Variants in OPCML observed in about 807,000 individuals in gnomAD.
OPCML encodes opioid binding protein/cell adhesion molecule like.
OPCML carries 13 observed loss-of-function variants against 37.8 expected under a neutral mutation model. The observed-to-expected ratio is 0.34, with a 90% CI of 0.22 to 0.55. The LOEUF (loss-of-function observed/expected upper bound fraction) is 0.55. OPCML is among the 20% of genes least tolerant of loss of function. The pLI, the probability that OPCML is intolerant of heterozygous loss-of-function variation, is 0.91. For synonymous variants in OPCML, 176 were observed against 168.8 expected, an observed-to-expected ratio of 1.04 and a Z score of -0.33; for missense variants, 341 against 435.6, an observed-to-expected ratio of 0.78 and a Z score of 1.93.
chr11:133,237,941 T>C (rs1940583779), intron 1 of OPCML, among the ~76,000 whole-genome samples: 1 of 152,248 alleles, frequency 6.6e-6, no homozygotes, highest in Non-Finnish European at 1.5e-5. Flanking sequence ...TTTATTGCGT[T>C]ATTATTACAT....
intron 2 of OPCML, among the ~76,000 whole-genome samples, chr11:132,808,202 T>C (rs1382395688): frequency 1.3e-5 from 2 of 152,168 alleles, no homozygotes; most frequent in Non-Finnish European, 2.9e-5. Flanking sequence ...TAGGCCAACA[T>C]GTCCACATGT....
At chr11:133,125,640 A>T (rs1949490210) in intron 1 of OPCML, among the ~76,000 whole-genome samples, 1 of 126,838 alleles carries the variant, frequency 7.9e-6, no homozygotes. Context: ...TATAGTATAT[A>T]TACATGTGTC....
chr11:132,482,365 A>G (rs1482722264), intron 4 of OPCML, among the ~76,000 whole-genome samples: 1 of 151,890 alleles, frequency 6.6e-6, no homozygotes, highest in African/African-American at 2.4e-5. Flanking sequence ...CCAAGACTAA[A>G]CCAGGAAGAA....
rs1034665264 is a variant in OPCML, at chr11:133,076,606, C to T, written c.62-133596G>A. Among the ~76,000 whole-genome samples, 6 of 152,156 alleles carry T rather than the reference C, an allele frequency of 3.9e-5. No homozygotes were observed. In the South Asian group the frequency reaches 8.3e-4, roughly 21 times the overall value. ...CTTTGGCTGGCTTCCTCCACTGTAA[C>T]ACAGAAAGACTCCTCAGAGCACTGT... On this transcript the variant is annotated intron_variant, in intron 1 of 7. Transcript: ENST00000524381.
At chr11:133,202,558 C>T (rs1317851831) in intron 1 of OPCML, among the ~76,000 whole-genome samples, 2 of 152,208 alleles carry the variant, frequency 1.3e-5, no homozygotes, top group Non-Finnish European at 2.9e-5. Context: ...CTCGCCCTCC[C>T]TCATTTTGCC....
chr11:132,563,363 G>A (rs1162301961), intron 3 of OPCML, among the ~76,000 whole-genome samples: 1 of 152,042 alleles, frequency 6.6e-6, no homozygotes, highest in East Asian at 1.9e-4. Flanking sequence ...GAGTGAGAAA[G>A]AGGTGTGTGT....
chr11:132,513,568 T>C (rs902746234), intron 4 of OPCML, among the ~76,000 whole-genome samples: 1 of 152,208 alleles, frequency 6.6e-6, no homozygotes, highest in Non-Finnish European at 1.5e-5. Context: ...AAAATGAATT[T>C]TATCCTTCTA....
intron 3 of OPCML, among the ~76,000 whole-genome samples, chr11:132,626,143 T>A (rs964895373): frequency 6.6e-6 from 1 of 151,350 alleles, no homozygotes; most frequent in Non-Finnish European, 1.5e-5. Flanking sequence ...TCAGGCACTA[T>A]ACTAGATGCA....
intron 1 of OPCML, among the ~76,000 whole-genome samples, chr11:133,459,673 C>G (rs1389313252): frequency 6.6e-6 from 1 of 151,834 alleles, no homozygotes; most frequent in Non-Finnish European, 1.5e-5. Flanking sequence ...GGTTAATTTG[C>G]CAACAACTAT....
chr11:133,031,100 C>A (rs1453067621), intron 1 of OPCML, among the ~76,000 whole-genome samples: 1 of 152,178 alleles, frequency 6.6e-6, no homozygotes, highest in Non-Finnish European at 1.5e-5. Context: ...GTTTACTCAG[C>A]ACTTATCACT....
chr11:132,901,975 C>G (rs916846800), intron 2 of OPCML, among the ~76,000 whole-genome samples: 1 of 152,208 alleles, frequency 6.6e-6, no homozygotes, highest in Non-Finnish European at 1.5e-5. Context: ...GAACTCCCCC[C>G]ACCACCGGTG....
intron 1 of OPCML, among the ~76,000 whole-genome samples, chr11:133,034,751 CTTTTTTTTT>C (rs5795815): frequency 7.1e-6 from 1 of 141,766 alleles, no homozygotes; most frequent in Non-Finnish European, 1.5e-5. Context: ...GTTTTTTTTC[CTTTTTTTTT>C]TTTTGCTCTT....
intron 2 of OPCML, among the ~76,000 whole-genome samples, chr11:132,845,597 T>C (rs946844037): frequency 5.9e-5 from 9 of 152,186 alleles, no homozygotes; most frequent in Admixed American, 5.2e-4. Flanking sequence ...TTCAGGTGGA[T>C]AATATTCGAG....
chr11:132,695,601 G>A (rs189492240), intron 2 of OPCML, among the ~76,000 whole-genome samples: 1 of 152,310 alleles, frequency 6.6e-6, no homozygotes, highest in East Asian at 1.9e-4. Flanking sequence ...AACAAGCTTA[G>A]TAGACCTGTG....
At chr11:132,684,743 C>T (rs568366765) in intron 2 of OPCML, among the ~76,000 whole-genome samples, 9 of 152,164 alleles carry the variant, frequency 5.9e-5, no homozygotes, top group Non-Finnish European at 8.8e-5. Context: ...TCTTGTGGAG[C>T]TTTGCTTTCT....
chr11:132,897,134 T>C (rs982597544), intron 2 of OPCML, among the ~76,000 whole-genome samples: 1 of 152,152 alleles, frequency 6.6e-6, no homozygotes, highest in Non-Finnish European at 1.5e-5. Flanking sequence ...GCAGATCCAA[T>C]GATATCCAAG....
chr11:132,723,255 A>T (rs1056280653), intron 2 of OPCML, among the ~76,000 whole-genome samples: 1 of 152,222 alleles, frequency 6.6e-6, no homozygotes, highest in Admixed American at 6.5e-5. Flanking sequence ...ATTAATGCCA[A>T]GCTCCTCAAT....
chr11:133,447,663 C>T (rs185769684), intron 1 of OPCML, among the ~76,000 whole-genome samples: 1 of 152,290 alleles, frequency 6.6e-6, no homozygotes, highest in African/African-American at 2.4e-5. Flanking sequence ...AGGTTAATGG[C>T]CTCCAGCTGC....
At chr11:132,984,901 A>C (rs899591251) in intron 1 of OPCML, among the ~76,000 whole-genome samples, 6 of 152,178 alleles carry the variant, frequency 3.9e-5, no homozygotes, top group Non-Finnish European at 7.3e-5. Flanking sequence ...TGTATCCATG[A>C]TTAACAAATT....
Sources: allele counts gnomAD v4.1 joint callset (sites outside exome capture counted in the v4.1 genomes callset), GRCh38; gene constraint gnomAD v4.1.1; transcripts MANE v1.5; gene names NCBI Gene and HGNC (gene_info 2026-07-23, HGNC 2026-07-21).